The following NRXN1 variants were observed in gnomAD, a reference collection of about 807,000 sequenced individuals.
NRXN1 encodes the protein neurexin 1, also known as neurexin-1.
NRXN1 carries 39 observed loss-of-function variants against 150.9 expected under a neutral mutation model. The ratio of observed to expected loss-of-function variants is 0.26; its 90% CI spans 0.20 to 0.34. The LOEUF is 0.34. NRXN1 is among the 10% of genes least tolerant of loss of function. The pLI is 1.00. For synonymous variants in NRXN1, 924 were observed against 757.0 expected (o/e 1.22, Z -3.62); for missense variants, 1,815 against 1,949.9 (o/e 0.93, Z 1.30).
intron 5 of NRXN1, among the ~76,000 whole-genome samples, chr2:50,691,589 G>A (rs868277682): frequency 1.3e-5 from 2 of 152,104 alleles, no homozygotes; most frequent in Admixed American, 6.6e-5. Context: ...CTTTTCTATT[G>A]TTTTACGATC....
intron 18 of NRXN1, among the ~76,000 whole-genome samples, chr2:50,134,480 A>C (rs527468367): frequency 6.6e-6 from 1 of 152,310 alleles, no homozygotes; most frequent in South Asian, 2.1e-4. Flanking sequence ...ACCATTAACA[A>C]AGCTTTATTA....
intron 17 of NRXN1, among the ~76,000 whole-genome samples, chr2:50,238,691 A>G (rs973078897): frequency 6.6e-6 from 1 of 151,882 alleles, no homozygotes; most frequent in African/African-American, 2.4e-5. Context: ...GACAATATTG[A>G]TTTTGTGGCC....
intron 5 of NRXN1, among the ~76,000 whole-genome samples, chr2:50,661,715 C>T (rs1358900499): frequency 6.6e-6 from 1 of 152,022 alleles, no homozygotes; most frequent in Non-Finnish European, 1.5e-5. Flanking sequence ...TCTAAAATAA[C>T]TTTACTTTTT....
At position 50,580,074 on chromosome 2, in the gene NRXN1, T is replaced by G. The variant is rs866457151; in HGVS notation, c.1321-27049A>C. 1.4e-4 allele frequency among the ~76,000 whole-genome samples: 22 copies of G among 152,356 alleles called. No homozygotes were observed. The Middle Eastern group carries it at 0.01, about 71-fold the overall frequency. On this transcript the variant is annotated intron_variant, in intron 8 of 22. Transcript: ENST00000401669. The stretch of plus-strand genomic sequence containing the variant: ...TCTTCTTTATATTTCCCTCAGATTT[T>G]AGACTGGCTAGTTACATGAAATAAC...
Position 50,655,888 on chromosome 2 carries a change from C to T in NRXN1, c.833-32273G>A, listed in dbSNP as rs180935996. 2.6e-5 allele frequency among the ~76,000 whole-genome samples: 4 copies of T among 151,936 alleles called. No homozygotes were observed. The South Asian group carries it at 6.2e-4, about 24-fold the overall frequency. On this transcript the variant is annotated intron_variant, in intron 5 of 22. Transcript: ENST00000401669. ...TAAATAAGAAAAGAAATTCTCTGGC[C>T]AGCAATTATTTAGCAGTAAATTGAC...
chr2:50,535,910 C>G (rs976718472), intron 10 of NRXN1, among the ~76,000 whole-genome samples: 1 of 151,998 alleles, frequency 6.6e-6, no homozygotes, highest in African/African-American at 2.4e-5. Context: ...TATAAATTAT[C>G]AATTTTTGCT....
At chr2:50,491,182 A>C (rs1486312819) in intron 15 of NRXN1, among the ~76,000 whole-genome samples, 1 of 152,180 alleles carries the variant, frequency 6.6e-6, no homozygotes, top group Non-Finnish European at 1.5e-5. Context: ...TTTAAATGTG[A>C]TTATGACTTT....
chr2:50,462,909 T>C (rs943685448), intron 17 of NRXN1, among the ~76,000 whole-genome samples: 1 of 151,824 alleles, frequency 6.6e-6, no homozygotes, highest in African/African-American at 2.4e-5. Context: ...TTAGAAATTC[T>C]ATTTTGGGGG....
chr2:50,238,693 T>A (rs368217733), intron 17 of NRXN1, among the ~76,000 whole-genome samples: 2 of 152,110 alleles, frequency 1.3e-5, no homozygotes, highest in African/African-American at 4.8e-5. Context: ...CAATATTGAT[T>A]TTGTGGCCAT....
chr2:50,426,911 T>A (rs577854524), intron 17 of NRXN1, among the ~76,000 whole-genome samples: 1 of 152,304 alleles, frequency 6.6e-6, no homozygotes, highest in East Asian at 1.9e-4. Flanking sequence ...ACATTTAGAA[T>A]TGTGTTGTAC....
intron 17 of NRXN1, among the ~76,000 whole-genome samples, chr2:50,363,399 AAAAC>A (rs1294464083): frequency 8.5e-5 from 13 of 152,326 alleles, no homozygotes; most frequent in East Asian, 7.7e-4. Context: ...TTACAAGAAA[AAAAC>A]AAACAACCCC....
At chr2:50,395,117 CT>C (rs2103860854) in intron 17 of NRXN1, among the ~76,000 whole-genome samples, 1 of 151,862 alleles carries the variant, frequency 6.6e-6, no homozygotes, top group South Asian at 2.1e-4. Flanking sequence ...CATATTATTT[CT>C]TTTTTCTTTG....
intron 21 of NRXN1, among the ~76,000 whole-genome samples, chr2:50,043,679 C>A (rs1691364217): frequency 6.6e-6 from 1 of 152,106 alleles, no homozygotes; most frequent in Non-Finnish European, 1.5e-5. Flanking sequence ...ATATAAAAAT[C>A]AGTTTTTCTC....
chr2:50,060,926 T>C (rs1195132120), intron 19 of NRXN1, among the ~76,000 whole-genome samples: 1 of 152,186 alleles, frequency 6.6e-6, no homozygotes, highest in Non-Finnish European at 1.5e-5. Context: ...AATGGAAACA[T>C]TGTGAAGACA....
chr2:50,064,196 TA>T (rs1694996700), intron 19 of NRXN1, among the ~76,000 whole-genome samples: 2 of 151,874 alleles, frequency 1.3e-5, no homozygotes, highest in Non-Finnish European at 2.9e-5. Flanking sequence ...TAAATAGAGA[TA>T]AAATATGTGT....
rs764148753 is a variant in NRXN1, at chr2:50,053,290, G to C, written c.4109C>G (p.Thr1370Arg). Residue 1370 changes from threonine (T) to arginine (R), a missense_variant, in exon 21 of 23, where the codon ACA (threonine) becomes AGA (arginine). By Grantham distance (71) the Thr-to-Arg change is moderately conservative. This residue lies in a region of NRXN1 where 265 missense variants were observed against 307.1 expected (regional missense o/e 0.86). Coordinates refer to ENST00000401669, the MANE Select transcript of NRXN1 (RefSeq NM_001330078.2). Reference sequence around the variant, plus strand: ...GCTCACCTGGCTAATGGGTTCTTTTGTCGGGGGCTTTCCTCTTCTGGCTGT... The same window carrying C: ...GCTCACCTGGCTAATGGGTTCTTTTCTCGGGGGCTTTCCTCTTCTGGCTGT... ...TSTARRGKPP[T>R]KEPISQTTDD... The C allele has an allele frequency of 7.4e-6, 12 of 1,613,928 alleles. No individual in the cohort carries two copies. Among genetic ancestry groups the C allele is most frequent in the Non-Finnish European group, 1.0e-5 (12 of 1,179,850 alleles).
chr2:50,374,138 AG>A (rs1473745043), intron 17 of NRXN1, among the ~76,000 whole-genome samples: 1 of 151,472 alleles, frequency 6.6e-6, no homozygotes, highest in African/African-American at 2.4e-5. Flanking sequence ...TTCAAAAAGA[AG>A]AAAAAAAAAT....
intron 18 of NRXN1, among the ~76,000 whole-genome samples, chr2:50,113,246 T>TGA (rs1702608054): frequency 6.6e-6 from 1 of 152,228 alleles, no homozygotes; most frequent in Non-Finnish European, 1.5e-5. Context: ...CATTAATTTC[T>TGA]TCCTCTCCTG....
intron 2 of NRXN1, among the ~76,000 whole-genome samples, chr2:50,964,396 T>C (rs1453902578): frequency 1.3e-5 from 2 of 151,566 alleles, no homozygotes; most frequent in African/African-American, 2.4e-5. Context: ...ATCTGCATTC[T>C]GTACCTTCTA....
Sources: gnomAD v4.1 joint callset for allele counts (sites outside exome capture counted in the v4.1 genomes callset) on GRCh38, gnomAD v4.1.1 for gene constraint, gnomAD v4.1.1 regional missense constraint, MANE v1.5 for transcripts, NCBI Gene and HGNC (gene_info 2026-07-23, HGNC 2026-07-21) for gene names.